DBN1: variants seen among roughly 807,000 people sequenced by gnomAD.
DBN1 encodes drebrin 1, also known as drebrin.
DBN1 carries 21 observed loss-of-function variants against 83.5 expected under a neutral mutation model. The observed-to-expected ratio is 0.25, with a 90% CI of 0.18 to 0.36. The LOEUF (loss-of-function observed/expected upper bound fraction) is 0.36. DBN1 is among the 10% of genes least tolerant of loss of function. DBN1 has a pLI of 1.00. For synonymous variants in DBN1, 381 were observed against 384.9 expected (o/e 0.99, Z 0.12); for missense variants, 874 against 935.7 (o/e 0.93, Z 0.86).
chr5:177,463,223 G>A (rs571525154), intron 8 of DBN1, among the ~76,000 whole-genome samples: 1 of 152,176 alleles, frequency 6.6e-6, no homozygotes, highest in Non-Finnish European at 1.5e-5. Flanking sequence ...TTTTTTAGTA[G>A]AGACGGGGTT....
Position 177,457,106 on chromosome 5 carries a change from G to A in DBN1, c.*327C>T. ...CACGCCAGGCCCCAAGCAGGGTGAG[G>A]CCTCCAACCCGGCCAGCTGAGCAGG... On this transcript the variant is annotated 3_prime_UTR_variant, in exon 15 of 15. Transcript: ENST00000393565. 1 of 364,598 alleles carries A rather than the reference G, an allele frequency of 2.7e-6. No homozygotes were observed. Among genetic ancestry groups the A allele is most frequent in the South Asian group, 3.9e-5 (1 of 25,856 alleles). The allele number at this position is 364,598 out of a possible 1,614,324, so 22.6% of individuals were successfully genotyped here. A position where few individuals can be genotyped will look rare whatever the true frequency, so the allele number is the denominator to read the frequency against.
intron 8 of DBN1, among the ~76,000 whole-genome samples, chr5:177,461,567 C>G (rs1757046260): frequency 6.6e-6 from 1 of 152,200 alleles, no homozygotes; most frequent in African/African-American, 2.4e-5. Flanking sequence ...GGCTCACTCA[C>G]TCACTTGCTC....
chr5:177,472,762 G>A (rs1450008151), intron 1 of DBN1: 7 of 989,930 alleles, frequency 7.1e-6, no homozygotes, highest in African/African-American at 1.7e-5. Context: ...TTCAGGTAGG[G>A]GAGGAGAGCT....
rs1023272972 is a variant in DBN1 at position 177,457,368 on chromosome 5, C to A, written c.*65G>T. ...TGCTGCGAATGCAGGCACGGCGGGC[C>A]GTCTGGCCAGAGGCTGATGCAGGTG... On this transcript the variant is annotated 3_prime_UTR_variant, in exon 15 of 15. Coordinates refer to ENST00000393565, the MANE Select transcript of DBN1 (RefSeq NM_001363541.2). The A allele has an allele frequency of 1.4e-6, 2 of 1,412,660 alleles. No individual in the cohort carries two copies. Among genetic ancestry groups the A allele is most frequent in the African/African-American group, 2.8e-5 (2 of 70,870 alleles). 87.5% of individuals were successfully genotyped at this position (1,412,660 alleles called of 1,614,324 possible).
chr5:177,461,888 A>G (rs193264718), intron 8 of DBN1, among the ~76,000 whole-genome samples: 33 of 152,278 alleles, frequency 2.2e-4, no homozygotes, highest in Admixed American at 5.9e-4. Flanking sequence ...TGCTGGTATG[A>G]TATTTTTAAA....
intron 1 of DBN1, among the ~76,000 whole-genome samples, chr5:177,471,615 G>C (rs1039394699): frequency 6.6e-6 from 1 of 152,160 alleles, no homozygotes; most frequent in Admixed American, 6.5e-5. Context: ...ATATTCTCTT[G>C]TGTAGAAAGT....
chr5:177,468,554 AGGC>A (rs1757629464), intron 2 of DBN1: 1 of 456,832 alleles, frequency 2.2e-6, no homozygotes, highest in Admixed American at 3.6e-5. Flanking sequence ...GCTCTGGGGA[AGGC>A]GGTGAATAGG....
At position 177,458,552 on chromosome 5, in the gene DBN1, C is replaced by G; in HGVS notation, c.1420G>C (p.Glu474Gln). The G allele has an allele frequency of 6.2e-7, 1 of 1,614,146 alleles. No homozygotes were observed. Among genetic ancestry groups the G allele is most frequent in the Non-Finnish European group, 8.5e-7 (1 of 1,180,010 alleles). ...AEDLMFMESA[E>Q]QAVLAAPVEP... is the part of the protein sequence containing the mutation. ...ACGGGAGCAGCCAGGACAGCCTGCT[C>G]TGCAGACTCCATGAACATCAAGTCC... The change falls in exon 13 of 15, where the codon GAG becomes CAG. Residue 474 changes from glutamate to glutamine, a missense_variant. By Grantham distance (29) the Glu-to-Gln change is conservative (BLOSUM62 2). Coordinates refer to ENST00000393565, the MANE Select transcript of DBN1 (RefSeq NM_001363541.2).
chr5:177,460,266 T>A (rs1326571068), intron 10 of DBN1, among the ~76,000 whole-genome samples, 166 bp downstream of exon 10: 1 of 152,196 alleles, frequency 6.6e-6, no homozygotes, highest in African/African-American at 2.4e-5. Context: ...TGGCCCTTCT[T>A]GGGGTCCTGC....
Position 177,458,446 on chromosome 5 carries a change from G to A in DBN1, c.1526C>T (p.Thr509Ile). 6.2e-7 allele frequency: 1 copy of A among 1,614,232 alleles called. No individual in the cohort carries two copies. Among genetic ancestry groups the A allele is most frequent in the Non-Finnish European group, 8.5e-7 (1 of 1,180,022 alleles). ...GGCGGGGGGTACGTTGTTGGCAACA[G>A]TGGTGTCAGCAGTGGCAGTGTCAGT... The part of the protein sequence containing the change: ...IETDTATADT[T>I]VANNVPPAAT... The change falls in exon 13 of 15, where the codon ACT (threonine) becomes ATT (isoleucine). Residue 509 changes from threonine to isoleucine, a missense_variant. By Grantham distance (89) the Thr-to-Ile change is moderately conservative. Coordinates refer to ENST00000393565, the MANE Select transcript of DBN1 (RefSeq NM_001363541.2).
chr5:177,468,046 G>A (rs1037550954), intron 3 of DBN1, 62 bp downstream of exon 3: 3 of 680,784 alleles, frequency 4.4e-6, no homozygotes, highest in Admixed American at 4.9e-5. Context: ...AGCCCCGGCC[G>A]CATACCCAGT....
chr5:177,465,240 TTCAGCCTTCAAAAA>T (rs1757363503), intron 8 of DBN1, among the ~76,000 whole-genome samples: 1 of 152,268 alleles, frequency 6.6e-6, no homozygotes, highest in South Asian at 2.1e-4. Flanking sequence ...TGGAATATGA[TTCAGCCTTCAAAAA>T]GAAGGAAATT....
chr5:177,467,994 AC>A lies in DBN1; in HGVS notation c.255+113del. On this transcript the variant is annotated intron_variant, in intron 3 of 14. Coordinates refer to ENST00000393565, the MANE Select transcript of DBN1 (RefSeq NM_001363541.2). This position sits in a 1 kb window ranked among gnomAD's most constrained non-coding sequence, Gnocchi z 9.1. ...TTCCCTTCCCCAGCCCCGGCCGCAT[AC>A]CCAGTTGATGAGCAGCTCTGGGCCC... 2 of 971,010 alleles carry A rather than the reference AC, an allele frequency of 2.1e-6. No homozygotes were observed. Among genetic ancestry groups the A allele is most frequent in the Admixed American group, 1.8e-5 (1 of 54,292 alleles). 60.1% of individuals were successfully genotyped at this position (971,010 alleles called of 1,614,324 possible).
intron 1 of DBN1, 51 bp downstream of exon 1, chr5:177,473,385 G>T: frequency 9.2e-7 from 1 of 1,092,040 alleles, no homozygotes; most frequent in Non-Finnish European, 1.2e-6. Flanking sequence ...AAACAAAGGC[G>T]CGGCGGCGGC....
Position 177,466,326 on chromosome 5 carries a change from C to T in DBN1, c.771+446G>A, listed in dbSNP as rs1158955234. On this transcript the variant is annotated intron_variant, in intron 8 of 14. Transcript: ENST00000393565. This position sits in a 1 kb window ranked among gnomAD's most constrained non-coding sequence, Gnocchi z 4.8. ...AATGTGTGGAGATTCAGACAGTACC[C>T]CTGGAACAAAGGGGCTGCTCCCAGG... Among the ~76,000 whole-genome samples, 1 of 152,250 alleles carries T rather than the reference C, an allele frequency of 6.6e-6. No individual in the cohort carries two copies. Among genetic ancestry groups the T allele is most frequent in the Non-Finnish European group, 1.5e-5 (1 of 68,048 alleles).
In DBN1 at chr5:177,456,673, C is replaced by CAAAAAAAA. The variant is rs72166670; in HGVS notation, c.*752_*759dup. Reference sequence around the variant, plus strand: ...ACCCGTTACAGAAGTTTGTGCTTTCCAAAAAAAAAAAAAAAAAAAAAAAAA... The same window carrying CAAAAAAAA: ...ACCCGTTACAGAAGTTTGTGCTTTCCAAAAAAAAAAAAAAAAAAAAAAAAAAAAAAAAA... On this transcript the variant is annotated 3_prime_UTR_variant, in exon 15 of 15. Transcript: ENST00000393565. 2 of 65,146 alleles carry CAAAAAAAA rather than the reference C, an allele frequency of 3.1e-5. No homozygotes were observed. The highest frequency in any genetic ancestry group is 8.0e-5 in the African/African-American group (1 of 12,568). 4.0% of individuals were successfully genotyped at this position (65,146 alleles called of 1,614,324 possible).
intron 11 of DBN1, 150 bp downstream of exon 11, chr5:177,459,453 C>A (rs1581716966): frequency 1.5e-6 from 2 of 1,335,466 alleles, no homozygotes; most frequent in East Asian, 5.4e-5. Flanking sequence ...AGGCCAGTGC[C>A]CCATAAGGCC....
intron 1 of DBN1, chr5:177,472,407 G>T: frequency 7.0e-7 from 1 of 1,435,304 alleles, no homozygotes; most frequent in South Asian, 1.5e-5. Context: ...CCTAGAAGAA[G>T]AGTATTACGG....
chr5:177,470,981 A>C (rs574996200), intron 1 of DBN1, among the ~76,000 whole-genome samples: 4 of 152,380 alleles, frequency 2.6e-5, no homozygotes, highest in South Asian at 2.1e-4. Flanking sequence ...ACGCTGACTC[A>C]GTCAATCAGC....
Sources: allele counts gnomAD v4.1 joint callset (sites outside exome capture counted in the v4.1 genomes callset), GRCh38; gene constraint gnomAD v4.1.1; non-coding constraint Gnocchi (gnomAD v3.1); transcripts MANE v1.5; gene names NCBI Gene and HGNC (gene_info 2026-07-23, HGNC 2026-07-21).